LRMDA: variants seen among roughly 807,000 people sequenced by gnomAD.
The protein encoded by LRMDA is leucine rich melanocyte differentiation associated, also known as leucine-rich melanocyte differentiation-associated protein.
LRMDA carries 18 observed loss-of-function variants against 29.8 expected under a neutral mutation model. That is an observed-to-expected ratio of 0.60 (90% CI 0.42 to 0.90). LRMDA has a LOEUF of 0.90. LRMDA is among the 40% of genes least tolerant of loss of function. The pLI is 0.00. For synonymous variants in LRMDA, 125 were observed against 109.4 expected, an observed-to-expected ratio of 1.14 and a Z score of -0.89; for missense variants, 273 against 273.9, an observed-to-expected ratio of 1.00 and a Z score of 0.02.
At chr10:76,029,497 G>A (rs535927547) in intron 2 of LRMDA, among the ~76,000 whole-genome samples, 6 of 152,242 alleles carry the variant, frequency 3.9e-5, no homozygotes, top group African/African-American at 1.4e-4. Context: ...TATTCACGTT[G>A]TCCTACAGCA....
At position 75,431,667 on chromosome 10, in the gene LRMDA, C is replaced by T. The variant is rs866957357; in HGVS notation, c.-58C>T. On this transcript the variant is annotated 5_prime_UTR_variant, in exon 1 of 7. Transcript: ENST00000611255. ...CGCCGCGCTCCCCTGCCGCGCTCCC[C>T]GCTGCTGCCGCCGCGCCCCCGCGCT... The T allele has an allele frequency of 2.4e-6, 3 of 1,248,858 alleles. No homozygotes were observed. The highest frequency in any genetic ancestry group is 3.0e-6 in the Non-Finnish European group (3 of 1,001,886). 77.4% of individuals were successfully genotyped at this position (1,248,858 alleles called of 1,614,324 possible).
At chr10:75,876,105 T>G (rs1367178612) in intron 2 of LRMDA, among the ~76,000 whole-genome samples, 1 of 152,074 alleles carries the variant, frequency 6.6e-6, no homozygotes, top group Non-Finnish European at 1.5e-5. Flanking sequence ...TGGACCCTGG[T>G]GGGAGGACAT....
At chr10:75,957,443 G>A (rs919779509) in intron 2 of LRMDA, among the ~76,000 whole-genome samples, 4 of 152,226 alleles carry the variant, frequency 2.6e-5, no homozygotes, top group African/African-American at 9.6e-5. Flanking sequence ...GATTAGGTCA[G>A]TAGAACTGCT....
intron 5 of LRMDA, among the ~76,000 whole-genome samples, chr10:76,207,135 G>A (rs995151934): frequency 3.3e-5 from 5 of 151,890 alleles, no homozygotes; most frequent in Non-Finnish European, 7.4e-5. Flanking sequence ...TGCCACAACA[G>A]GGGTAATGAA....
At chr10:76,413,827 T>A (rs1841988341) in intron 6 of LRMDA, among the ~76,000 whole-genome samples, 1 of 152,218 alleles carries the variant, frequency 6.6e-6, no homozygotes, top group Non-Finnish European at 1.5e-5. Context: ...GTTGAACTAA[T>A]GAATGAATGT....
At chr10:76,494,326 CTT>C (rs34885811) in intron 6 of LRMDA, among the ~76,000 whole-genome samples, 79 of 138,650 alleles carry the variant, frequency 5.7e-4, no homozygotes, top group Admixed American at 1.2e-3. Context: ...GGCTACATAG[CTT>C]TTTTTTTTTT....
At chr10:76,260,038 G>C (rs191168332) in intron 5 of LRMDA, among the ~76,000 whole-genome samples, 436 of 151,614 alleles carry the variant, frequency 2.9e-3, no homozygotes, top group African/African-American at 9.6e-3. Context: ...CATTCATCCT[G>C]TCTATGTTTT....
At chr10:76,289,584 A>G (rs1232173471) in intron 5 of LRMDA, among the ~76,000 whole-genome samples, 2 of 152,174 alleles carry the variant, frequency 1.3e-5, no homozygotes, top group African/African-American at 2.4e-5. Context: ...TCCCTATTAC[A>G]GGCGATATTT....
chr10:75,513,833 C>T (rs1845256765), intron 2 of LRMDA, among the ~76,000 whole-genome samples: 1 of 152,142 alleles, frequency 6.6e-6, no homozygotes, highest in African/African-American at 2.4e-5. Flanking sequence ...TCTCAAAATC[C>T]TAGTTTAATC....
chr10:75,711,645 T>C (rs1842437426), intron 2 of LRMDA, among the ~76,000 whole-genome samples: 1 of 152,154 alleles, frequency 6.6e-6, no homozygotes, highest in Admixed American at 6.5e-5. Flanking sequence ...CATAGCTTAT[T>C]GTGAATAGGG....
intron 2 of LRMDA, among the ~76,000 whole-genome samples, chr10:75,898,659 A>AT (rs1437479597): frequency 1.9e-4 from 29 of 152,200 alleles, no homozygotes; most frequent in Admixed American, 1.9e-3. Context: ...AGAAAAAAAA[A>AT]GAGTCCAGGT....
chr10:76,500,170 G>C (rs1842900529), intron 6 of LRMDA, among the ~76,000 whole-genome samples: 1 of 75,828 alleles, frequency 1.3e-5, no homozygotes, highest in Non-Finnish European at 4.4e-5. Context: ...CACTGGGCCT[G>C]GCCTTAGTTT....
chr10:75,944,902 C>T (rs1365500478), intron 2 of LRMDA, among the ~76,000 whole-genome samples: 3 of 151,934 alleles, frequency 2.0e-5, no homozygotes, highest in African/African-American at 7.3e-5. Flanking sequence ...TCCCTTAAGA[C>T]CTTGTTCATG....
Position 75,445,861 on chromosome 10 carries a change from T to C in LRMDA, c.131+7367T>C, listed in dbSNP as rs1014050840. On this transcript the variant is annotated intron_variant, in intron 2 of 6. Coordinates refer to ENST00000611255, the MANE Select transcript of LRMDA (RefSeq NM_001305581.2). The stretch of plus-strand genomic sequence containing the variant: ...GAAGCTTATGTTTTAAAAATTAAAT[T>C]CTTTGCAGCTGCATCTTATTTTGCA... Among the ~76,000 whole-genome samples the C allele has an allele frequency of 5.3e-5, 8 of 152,220 alleles. 1 individual carries two copies. Among genetic ancestry groups the C allele is most frequent in the Non-Finnish European group, 8.8e-5 (6 of 68,030 alleles).
At chr10:75,925,879 C>T (rs186597463) in intron 2 of LRMDA, among the ~76,000 whole-genome samples, 10 of 152,168 alleles carry the variant, frequency 6.6e-5, no homozygotes, top group Admixed American at 5.2e-4. Flanking sequence ...TCTCGAACTA[C>T]GAACTACTGA....
chr10:76,064,863 T>C (rs1848758072), intron 5 of LRMDA, among the ~76,000 whole-genome samples: 1 of 152,242 alleles, frequency 6.6e-6, no homozygotes, highest in African/African-American at 2.4e-5. Flanking sequence ...CAAAAAATAA[T>C]TTAAAATATT....
chr10:75,779,982 A>G (rs1056288695), intron 2 of LRMDA, among the ~76,000 whole-genome samples: 2 of 152,098 alleles, frequency 1.3e-5, no homozygotes, highest in Non-Finnish European at 2.9e-5. Context: ...TTTGTAAGAG[A>G]AAGGAGGAGA....
chr10:75,507,117 T>C (rs1162280499), intron 2 of LRMDA, among the ~76,000 whole-genome samples: 1 of 151,658 alleles, frequency 6.6e-6, no homozygotes, highest in African/African-American at 2.4e-5. Flanking sequence ...CATCTTTTTT[T>C]TTTTTTTCCT....
chr10:75,461,599 C>T (rs188746874), intron 2 of LRMDA, among the ~76,000 whole-genome samples: 1 of 152,266 alleles, frequency 6.6e-6, no homozygotes, highest in South Asian at 2.1e-4. Flanking sequence ...GGAGTTTTCT[C>T]CTTCTCTATA....
Sources: gnomAD v4.1 joint callset for allele counts (sites outside exome capture counted in the v4.1 genomes callset) on GRCh38, gnomAD v4.1.1 for gene constraint, MANE v1.5 for transcripts, NCBI Gene and HGNC (gene_info 2026-07-23, HGNC 2026-07-21) for gene names.